IPO13: variants seen among roughly 807,000 people sequenced by gnomAD.
IPO13 encodes importin 13.
IPO13 carries 28 observed loss-of-function variants against 115.5 expected under a neutral mutation model. That is an observed-to-expected ratio of 0.24 (90% confidence interval 0.18 to 0.33). IPO13 has a LOEUF of 0.33. Among genes scored for constraint, IPO13 ranks in the 10% least tolerant of loss-of-function variants. IPO13 has a pLI of 1.00. For missense variants in IPO13, 785 were observed against 1,204.6 expected (o/e 0.65, Z 5.16); for synonymous variants, 414 against 478.9 (o/e 0.86, Z 1.77).
intron 14 of IPO13, 83 bp downstream of exon 14, chr1:43,961,345 C>G: frequency 9.6e-7 from 1 of 1,046,392 alleles, no homozygotes; most frequent in Non-Finnish European, 1.5e-6. Flanking sequence ...GCTGCCCACT[C>G]TGTTCTTCTC....
Position 43,956,573 on chromosome 1 carries a change from C to G in IPO13, c.976C>G (p.Gln326Glu). Residue 326 changes from glutamine to glutamate, a missense_variant, in exon 4 of 20, where the codon CAA becomes GAA. Physicochemically the swap from Gln to Glu is conservative, Grantham distance 29. Around this residue, in one of 3 missense-constraint regions of IPO13, gnomAD observed 325 missense variants for 449.8 expected, o/e 0.72. Coordinates refer to ENST00000372343, the MANE Select transcript of IPO13 (RefSeq NM_014652.4). The surrounding 1 kb of genome is among the most constrained non-coding windows in gnomAD (Gnocchi z 4.7). ...GENHSRALLD[Q>E]VEHWQSFLAL... The stretch of plus-strand genomic sequence containing the variant: ...CTCTCTCCCCAGGGCCTTGCTGGAC[C>G]AAGTAGAGCACTGGCAGAGTTTCCT... 1 of 1,614,190 alleles carries G rather than the reference C, an allele frequency of 6.2e-7. No homozygotes were observed. The highest frequency in any genetic ancestry group is 8.5e-7 in the Non-Finnish European group (1 of 1,180,036).
intron 2 of IPO13, among the ~76,000 whole-genome samples, chr1:43,955,405 AAACAG>A (rs1253287535): frequency 4.6e-5 from 7 of 152,226 alleles, no homozygotes; most frequent in African/African-American, 1.4e-4. Context: ...CTTTAAAGCC[AAACAG>A]AAATTAACTG....
In IPO13 at chr1:43,967,864, T is replaced by C. The variant is rs1386595061; in HGVS notation, c.*182T>C. The C allele has an allele frequency of 1.6e-6, 1 of 630,370 alleles. No homozygotes were observed. The highest frequency in any genetic ancestry group is 1.8e-5 in the African/African-American group (1 of 54,590). 39.0% of individuals were successfully genotyped at this position (630,370 alleles called of 1,614,324 possible). On this transcript the variant is annotated 3_prime_UTR_variant, in exon 20 of 20. Transcript: ENST00000372343. This position sits in a 1 kb window ranked among gnomAD's most constrained non-coding sequence, Gnocchi z 6.1. ...CTTGGACCCAGGCCTTGGGAGGGAA[T>C]GGTGGGAACATCCTCTAGCTCCCAG... is the stretch of plus-strand genomic sequence containing the variant.
chr1:43,960,371 C>T, intron 12 of IPO13, 42 bp downstream of exon 12: 29 of 1,550,386 alleles, frequency 1.9e-5, no homozygotes, highest in Non-Finnish European at 2.6e-5. Context: ...AGTGACTGCT[C>T]AGAGGTGTAG....
At position 43,956,646 on chromosome 1, in the gene IPO13, A is replaced by C; in HGVS notation, c.1049A>C (p.Tyr350Ser). 6.2e-7 allele frequency: 1 copy of C among 1,614,168 alleles called. No individual in the cohort carries two copies. Among genetic ancestry groups the C allele is most frequent in the Non-Finnish European group, 8.5e-7 (1 of 1,180,020 alleles). The change falls in exon 4 of 20, where the codon TAT becomes TCT. Residue 350 changes from tyrosine to serine, a missense_variant. Tyr to Ser is a moderately radical substitution (Grantham distance 144). Coordinates refer to ENST00000372343, the MANE Select transcript of IPO13 (RefSeq NM_014652.4). This position sits in a 1 kb window ranked among gnomAD's most constrained non-coding sequence, Gnocchi z 4.7. ...TTCTGCACAGGCATCCCTGGCCACTATCCTGTCAATGAGACCACCAGCTCC... is the reference window on the plus strand; with the variant it reads ...TTCTGCACAGGCATCCCTGGCCACTCTCCTGTCAATGAGACCACCAGCTCC... Reference protein sequence around the residue: ...IMFCTGIPGHYPVNETTSSLT... With the variant: ...IMFCTGIPGHSPVNETTSSLT...
chr1:43,947,680 A>G lies in IPO13; in HGVS notation c.80A>G (p.Glu27Gly). 7.6e-7 allele frequency: 1 copy of G among 1,317,292 alleles called. No homozygotes were observed. The highest frequency in any genetic ancestry group is 9.8e-7 in the Non-Finnish European group (1 of 1,023,312). The allele number at this position is 1,317,292 out of a possible 1,614,324, so 81.6% of individuals were successfully genotyped here. A position where few individuals can be genotyped will look rare whatever the true frequency, so the allele number is the denominator to read the frequency against. The change falls in exon 1 of 20, where the codon GAG (glutamate) becomes GGG (glycine). Residue 27 changes from glutamate (E) to glycine (G), a missense_variant. By Grantham distance (98) the Glu-to-Gly change is moderately conservative. Transcript: ENST00000372343. ...TTGGACTTCACTGTGGAGAACGTGGAGAAGGTATGAGGGCTCTGGGGTGGG... is the reference window on the plus strand; with the variant it reads ...TTGGACTTCACTGTGGAGAACGTGGGGAAGGTATGAGGGCTCTGGGGTGGG... The part of the protein sequence containing the change: ...PALDFTVENV[E>G]KALHQLYYDP...
In IPO13 at chr1:43,949,833, A is replaced by G; in HGVS notation, c.501A>G (p.Leu167=). The change falls in exon 2 of 20, where the codon TTA becomes TTG. Residue 167 remains leucine, a synonymous_variant. Transcript: ENST00000372343. ...VDGQGRCLAL[L]ELLTVLPEEF... is the part of the protein sequence containing the mutation. ...GGCAGGGCCGCTGCCTAGCCCTGTT[A>G]GAGCTGCTGACAGTGCTGCCTGAGG... 6.2e-7 allele frequency: 1 copy of G among 1,612,714 alleles called. No individual in the cohort carries two copies. The highest frequency in any genetic ancestry group is 8.5e-7 in the Non-Finnish European group (1 of 1,179,026).
At chr1:43,959,779 C>G (rs530095558) in intron 11 of IPO13, among the ~76,000 whole-genome samples, 1 of 152,284 alleles carries the variant, frequency 6.6e-6, no homozygotes, top group African/African-American at 2.4e-5. Flanking sequence ...CTTTCCTCAC[C>G]TCCCAGGACC....
chr1:43,967,110 C>T lies in IPO13; in HGVS notation c.2613+91C>T. On this transcript the variant is annotated intron_variant, in intron 18 of 19. Transcript: ENST00000372343. The surrounding 1 kb of genome is among the most constrained non-coding windows in gnomAD (Gnocchi z 6.1). Reference sequence around the variant, plus strand: ...CTGGGAGGCTTGAGCCTTTGGTCCCCTAAGCTCTCAGATTCTGTTTCTTCT... The same window carrying T: ...CTGGGAGGCTTGAGCCTTTGGTCCCTTAAGCTCTCAGATTCTGTTTCTTCT... 2 of 1,273,678 alleles carry T rather than the reference C, an allele frequency of 1.6e-6. No individual in the cohort carries two copies. The highest frequency in any genetic ancestry group is 1.2e-5 in the South Asian group (1 of 83,072). The allele number at this position is 1,273,678 out of a possible 1,614,324, so 78.9% of individuals were successfully genotyped here. A position where few individuals can be genotyped will look rare whatever the true frequency, so the allele number is the denominator to read the frequency against.
In IPO13 at chr1:43,957,141, C is replaced by A. The variant is rs980326002; in HGVS notation, c.1272-54C>A. On this transcript the variant is annotated intron_variant, in intron 5 of 19. Transcript: ENST00000372343. ...TGGGGTAGGCTCCTGGGCTTGGGGG[C>A]AGGATCCAGGGTCAGGATCCAGGCA... 3.8e-6 allele frequency: 6 copies of A among 1,594,458 alleles called. No individual in the cohort carries two copies. In the Admixed American group the frequency reaches 6.8e-5, roughly 18 times the overall value.
At position 43,958,724 on chromosome 1, in the gene IPO13, CTTGGT is replaced by C; in HGVS notation, c.1885-18_1885-14del. On this transcript the variant is annotated splice_polypyrimidine_tract_variant and intron_variant, in intron 10 of 19. Transcript: ENST00000372343. This position sits in a 1 kb window ranked among gnomAD's most constrained non-coding sequence, Gnocchi z 6.3. Reference sequence around the variant, plus strand: ...CAAACTGGGGCTGGGAGATCTGGAGCTTGGTTTGCTTCTCCCTGCAGCCCAATCCC... The same window carrying C: ...CAAACTGGGGCTGGGAGATCTGGAGCTTGCTTCTCCCTGCAGCCCAATCCC... The C allele has an allele frequency of 6.2e-7, 1 of 1,613,948 alleles. No individual in the cohort carries two copies.
In IPO13 at chr1:43,947,590, A is replaced by G; in HGVS notation, c.-11A>G. 1 of 1,298,798 alleles carries G rather than the reference A, an allele frequency of 7.7e-7. No individual in the cohort carries two copies. 80.5% of individuals were successfully genotyped at this position (1,298,798 alleles called of 1,614,324 possible). On this transcript the variant is annotated 5_prime_UTR_variant, in exon 1 of 20. Transcript: ENST00000372343. ...ATCAGGGCCCACCTCCCTGCCAGGG[A>G]GGGAGCAAAGATGGAGCGGCGGGAG...
At position 43,947,549 on chromosome 1, in the gene IPO13, C is replaced by T. The variant is rs1346003586; in HGVS notation, c.-52C>T. On this transcript the variant is annotated 5_prime_UTR_variant, in exon 1 of 20. Coordinates refer to ENST00000372343, the MANE Select transcript of IPO13 (RefSeq NM_014652.4). ...TAGCAGGGGGCCAGCAGCCAAGGGGCTGGGGCAGGAGACAGATCAGGGCCC... is the reference window on the plus strand; with the variant it reads ...TAGCAGGGGGCCAGCAGCCAAGGGGTTGGGGCAGGAGACAGATCAGGGCCC... 1.3e-5 allele frequency: 14 copies of T among 1,069,150 alleles called. No individual in the cohort carries two copies. The highest frequency in any genetic ancestry group is 1.6e-5 in the African/African-American group (1 of 61,000). 66.2% of individuals were successfully genotyped at this position (1,069,150 alleles called of 1,614,324 possible).
At chr1:43,948,681 T>A (rs2085184862) in intron 1 of IPO13, among the ~76,000 whole-genome samples, 1 of 152,248 alleles carries the variant, frequency 6.6e-6, no homozygotes, top group Non-Finnish European at 1.5e-5. Context: ...TGGCGCACTG[T>A]TCCATGTGCT....
chr1:43,958,180 T>C lies in IPO13; in HGVS notation c.1722+22T>C. ...CCAGGTATGCAGGGGCCCTGGATGG[T>C]GCTGGGCCTCAGAGCACACTCTGCA... On this transcript the variant is annotated intron_variant, in intron 8 of 19. Coordinates refer to ENST00000372343, the MANE Select transcript of IPO13 (RefSeq NM_014652.4). This position sits in a 1 kb window ranked among gnomAD's most constrained non-coding sequence, Gnocchi z 6.3. The C allele has an allele frequency of 6.2e-7, 1 of 1,614,076 alleles. No homozygotes were observed.
At position 43,946,965 on chromosome 1, in the gene IPO13, C is replaced by A; in HGVS notation, c.-636C>A. The A allele has an allele frequency of 2.5e-6, 1 of 397,996 alleles. No individual in the cohort carries two copies. The highest frequency in any genetic ancestry group is 1.3e-4 in the South Asian group (1 of 7,572). 24.7% of individuals were successfully genotyped at this position (397,996 alleles called of 1,614,324 possible). On this transcript the variant is annotated 5_prime_UTR_variant, in exon 1 of 20. Coordinates refer to ENST00000372343, the MANE Select transcript of IPO13 (RefSeq NM_014652.4). ...GGCCGGCCTGGCTTGTCTTGTCAGT[C>A]ACTGGGGCGGAGGCAGCGGCTGTAG... is the stretch of plus-strand genomic sequence containing the variant.
intron 2 of IPO13, 56 bp downstream of exon 2, chr1:43,950,209 T>C: frequency 6.5e-7 from 1 of 1,540,496 alleles, no homozygotes; most frequent in Non-Finnish European, 8.8e-7. Context: ...CACACATCCA[T>C]CCATCCATCT....
Position 43,967,077 on chromosome 1 carries a change from C to G in IPO13, c.2613+58C>G. The G allele has an allele frequency of 6.6e-7, 1 of 1,505,468 alleles. No homozygotes were observed. The highest frequency in any genetic ancestry group is 9.2e-7 in the Non-Finnish European group (1 of 1,081,534). 93.3% of individuals were successfully genotyped at this position (1,505,468 alleles called of 1,614,324 possible). On this transcript the variant is annotated intron_variant, in intron 18 of 19. Transcript: ENST00000372343. This position sits in a 1 kb window ranked among gnomAD's most constrained non-coding sequence, Gnocchi z 6.1. The stretch of plus-strand genomic sequence containing the variant: ...TGAGGGCCCCTCACTGCTGAGGCAG[C>G]TGGCCTTCTGGGAGGCTTGAGCCTT...
At position 43,956,617 on chromosome 1, in the gene IPO13, T is replaced by A; in HGVS notation, c.1020T>A (p.Ile340=). Residue 340 remains isoleucine (I), a synonymous_variant, in exon 4 of 20, where the codon ATT becomes ATA. Coordinates refer to ENST00000372343, the MANE Select transcript of IPO13 (RefSeq NM_014652.4). This position sits in a 1 kb window ranked among gnomAD's most constrained non-coding sequence, Gnocchi z 4.7. The stretch of plus-strand genomic sequence containing the variant: ...GTTTCCTGGCACTCGTCAACATGAT[T>A]ATGTTCTGCACAGGCATCCCTGGCC... The part of the protein sequence containing the change: ...WQSFLALVNM[I]MFCTGIPGHY... The A allele has an allele frequency of 6.2e-7, 1 of 1,614,224 alleles. No individual in the cohort carries two copies. Among genetic ancestry groups the A allele is most frequent in the Non-Finnish European group, 8.5e-7 (1 of 1,180,028 alleles).
Sources: gnomAD v4.1 joint callset for allele counts (sites outside exome capture counted in the v4.1 genomes callset) on GRCh38, gnomAD v4.1.1 for gene constraint, gnomAD v4.1.1 regional missense constraint, Gnocchi (gnomAD v3.1) non-coding constraint, MANE v1.5 for transcripts, NCBI Gene and HGNC (gene_info 2026-07-23, HGNC 2026-07-21) for gene names.